The following ERBB4 variants were observed in gnomAD, a reference collection of about 807,000 sequenced individuals.
The protein encoded by ERBB4 is receptor tyrosine-protein kinase erbB-4.
ERBB4 carries 42 observed loss-of-function variants against 158.0 expected under a neutral mutation model. The observed-to-expected ratio is 0.27, with a 90% CI of 0.21 to 0.34. The LOEUF (loss-of-function observed/expected upper bound fraction) is 0.34. ERBB4 is among the 10% of genes least tolerant of loss of function. ERBB4 has a pLI of 1.00. For synonymous variants in ERBB4, 583 were observed against 558.7 expected (o/e 1.04, Z -0.61); for missense variants, 1,333 against 1,624.1 (o/e 0.82, Z 3.08).
chr2:211,584,695 A>G (rs1425187365), intron 19 of ERBB4, among the ~76,000 whole-genome samples: 2 of 152,008 alleles, frequency 1.3e-5, no homozygotes, highest in Non-Finnish European at 2.9e-5. Flanking sequence ...TTCATGTTTA[A>G]AAGCTCACAT....
intron 1 of ERBB4, among the ~76,000 whole-genome samples, chr2:212,504,481 A>G (rs548300755): frequency 3.9e-4 from 60 of 152,132 alleles, no homozygotes; most frequent in Non-Finnish European, 6.6e-4. Context: ...GAGATCCTGA[A>G]AAAGCCTATA....
intron 3 of ERBB4, among the ~76,000 whole-genome samples, chr2:211,862,733 G>T (rs1259335944): frequency 6.6e-6 from 1 of 152,154 alleles, no homozygotes; most frequent in Non-Finnish European, 1.5e-5. Flanking sequence ...TTAGAAAAAA[G>T]GGAATTTAAT....
chr2:212,116,235 ATCTT>A (rs1211985757), intron 2 of ERBB4, among the ~76,000 whole-genome samples: 1 of 151,502 alleles, frequency 6.6e-6, no homozygotes, highest in African/African-American at 2.4e-5. Context: ...TTATATGTAT[ATCTT>A]TATATATATT....
At chr2:211,478,231 A>T (rs9288431) in intron 20 of ERBB4, among the ~76,000 whole-genome samples, 5,830 of 152,256 alleles carry the variant, frequency 0.038, 347 homozygotes, top group African/African-American at 0.13. Flanking sequence ...CTATGCCAGC[A>T]TTGGCCAATA....
At chr2:211,925,143 AG>A (rs2079981436) in intron 3 of ERBB4, among the ~76,000 whole-genome samples, 1 of 152,194 alleles carries the variant, frequency 6.6e-6, no homozygotes, top group Non-Finnish European at 1.5e-5. Context: ...TTCTAGACAC[AG>A]GAAGAAAACA....
At chr2:211,938,717 G>A (rs1330753313) in intron 3 of ERBB4, among the ~76,000 whole-genome samples, 1 of 151,824 alleles carries the variant, frequency 6.6e-6, no homozygotes, top group Non-Finnish European at 1.5e-5. Flanking sequence ...GCAGACGGAG[G>A]GTAAATATTT....
intron 3 of ERBB4, among the ~76,000 whole-genome samples, chr2:211,801,873 A>G (rs1048407118): frequency 1.3e-5 from 2 of 152,178 alleles, no homozygotes; most frequent in Admixed American, 6.5e-5. Flanking sequence ...AGAATCTTAC[A>G]TAGAAAATTA....
At chr2:212,310,577 ATC>A (rs1234068089) in intron 1 of ERBB4, among the ~76,000 whole-genome samples, 3 of 146,412 alleles carry the variant, frequency 2.0e-5, no homozygotes, top group East Asian at 2.0e-4. Flanking sequence ...GAACCATCTA[ATC>A]TCTCTGTTTT....
chr2:212,058,278 T>C (rs561474411), intron 2 of ERBB4, among the ~76,000 whole-genome samples: 2 of 152,310 alleles, frequency 1.3e-5, no homozygotes, highest in Non-Finnish European at 2.9e-5. Flanking sequence ...TAACAGGCTC[T>C]GAAATTGTGG....
intron 1 of ERBB4, among the ~76,000 whole-genome samples, chr2:212,233,385 C>T (rs1368552149): frequency 3.3e-5 from 5 of 152,202 alleles, no homozygotes; most frequent in Non-Finnish European, 5.9e-5. Context: ...TTTCCTATAA[C>T]ACTTATAAAG....
rs73073225 is a variant in ERBB4, at chr2:212,164,633, G to A, written c.83-39730C>T. On this transcript the variant is annotated intron_variant, in intron 1 of 27. Coordinates refer to ENST00000342788, the MANE Select transcript of ERBB4 (RefSeq NM_005235.3). ...ATATTATTTCTTCCTGCTGTTAAGC[G>A]TCTATCTATCCATCAGATAGGTCTG... Among the ~76,000 whole-genome samples, 519 of 152,046 alleles carry A rather than the reference G, an allele frequency of 3.4e-3. 2 individuals are homozygous for A. The highest frequency in any genetic ancestry group is 0.012 in the African/African-American group (483 of 41,506).
At chr2:212,458,615 A>G (rs1032709125) in intron 1 of ERBB4, among the ~76,000 whole-genome samples, 3 of 151,956 alleles carry the variant, frequency 2.0e-5, no homozygotes, top group African/African-American at 7.3e-5. Flanking sequence ...TCACACAATC[A>G]GGTCTCTACT....
intron 1 of ERBB4, among the ~76,000 whole-genome samples, chr2:212,294,132 G>A (rs1444452861): frequency 1.3e-5 from 2 of 151,812 alleles, no homozygotes; most frequent in Non-Finnish European, 2.9e-5. Context: ...TAATTTCCAA[G>A]GATACCATTT....
intron 14 of ERBB4, among the ~76,000 whole-genome samples, chr2:211,666,793 T>A (rs1417341340): frequency 6.6e-6 from 1 of 152,166 alleles, no homozygotes; most frequent in African/African-American, 2.4e-5. Flanking sequence ...TCTGGCTATG[T>A]CCATAGGGTT....
chr2:211,889,486 G>C (rs1199058287), intron 3 of ERBB4, among the ~76,000 whole-genome samples: 2 of 151,812 alleles, frequency 1.3e-5, no homozygotes, highest in Non-Finnish European at 2.9e-5. Flanking sequence ...CTAAAATGCA[G>C]AGCGCCTCTC....
chr2:212,327,728 C>CTTTTTTTTTT (rs11413473), intron 1 of ERBB4, among the ~76,000 whole-genome samples: 8 of 133,352 alleles, frequency 6.0e-5, no homozygotes, highest in Middle Eastern at 4.1e-3. Flanking sequence ...TTCTTTTTTT[C>CTTTTTTTTTT]TTTTTTTTTT....
chr2:211,790,764 T>C (rs887609190), intron 3 of ERBB4, among the ~76,000 whole-genome samples: 1 of 151,986 alleles, frequency 6.6e-6, no homozygotes, highest in African/African-American at 2.4e-5. Flanking sequence ...TGATGGGTAG[T>C]TTATTTATGT....
intron 19 of ERBB4, among the ~76,000 whole-genome samples, chr2:211,615,176 T>G (rs568041576): frequency 6.6e-6 from 1 of 152,126 alleles, no homozygotes; most frequent in East Asian, 1.9e-4. Context: ...CAGTCAACTG[T>G]TACTAGGTTT....
intron 12 of ERBB4, among the ~76,000 whole-genome samples, chr2:211,700,855 C>T (rs2073208276): frequency 6.6e-6 from 1 of 151,992 alleles, no homozygotes; most frequent in Non-Finnish European, 1.5e-5. Context: ...TGATTTTGTG[C>T]CCACAACAAG....
Sources: allele counts gnomAD v4.1 joint callset (sites outside exome capture counted in the v4.1 genomes callset), GRCh38; gene constraint gnomAD v4.1.1; transcripts MANE v1.5; gene names NCBI Gene and HGNC (gene_info 2026-07-23, HGNC 2026-07-21).